Variants in MACROD2 observed in about 807,000 individuals in gnomAD.
MACROD2 encodes the protein ADP-ribose glycohydrolase MACROD2.
In MACROD2, 36 loss-of-function variants were observed where a neutral mutation model predicts 70.4. That is an observed-to-expected ratio of 0.51 (90% CI 0.39 to 0.68). The LOEUF (loss-of-function observed/expected upper bound fraction) is 0.68. MACROD2 is among the 30% of genes least tolerant of loss of function. MACROD2 has a pLI of 0.00. For synonymous variants in MACROD2, 172 were observed against 178.8 expected, an observed-to-expected ratio of 0.96 and a Z score of 0.30; for missense variants, 496 against 538.4, an observed-to-expected ratio of 0.92 and a Z score of 0.78.
intron 3 of MACROD2, among the ~76,000 whole-genome samples, chr20:14,158,188 G>A (rs1359976152): frequency 1.3e-5 from 2 of 152,022 alleles, no homozygotes; most frequent in Non-Finnish European, 2.9e-5. Flanking sequence ...GTGATGTTGA[G>A]CATTTTTTCA....
intron 13 of MACROD2, chr20:15,985,643 G>C (rs944138160): frequency 1.3e-5 from 2 of 152,622 alleles, no homozygotes; most frequent in Non-Finnish European, 2.9e-5. Context: ...GTGCTCTTTG[G>C]ATCCTGTCAC....
At chr20:14,983,141 C>A (rs1951942519) in intron 5 of MACROD2, among the ~76,000 whole-genome samples, 1 of 152,126 alleles carries the variant, frequency 6.6e-6, no homozygotes, top group African/African-American at 2.4e-5. Context: ...CTTGCATGGG[C>A]CCTGTAACCC....
intron 8 of MACROD2, among the ~76,000 whole-genome samples, chr20:15,725,587 A>G (rs1301653593): frequency 6.6e-6 from 1 of 151,932 alleles, no homozygotes; most frequent in East Asian, 1.9e-4. Context: ...TTCTTGTTTT[A>G]TTTCATTAGT....
intron 2 of MACROD2, among the ~76,000 whole-genome samples, chr20:14,043,921 A>G (rs952036053): frequency 1.5e-4 from 23 of 152,316 alleles, no homozygotes; most frequent in African/African-American, 5.3e-4. Context: ...TGTGTCATCT[A>G]TCTTTCACAC....
chr20:14,425,098 G>GT (rs1568606249), intron 3 of MACROD2, among the ~76,000 whole-genome samples: 2 of 152,158 alleles, frequency 1.3e-5, no homozygotes, highest in African/African-American at 4.8e-5. Flanking sequence ...GTTTACCTAC[G>GT]TAACAGCAGT....
At chr20:14,863,466 A>G (rs906613473) in intron 5 of MACROD2, among the ~76,000 whole-genome samples, 6 of 152,118 alleles carry the variant, frequency 3.9e-5, no homozygotes, top group Non-Finnish European at 5.9e-5. Context: ...CTTCTAATTG[A>G]ATAGTTTAAC....
At chr20:14,153,260 G>T (rs1450294212) in intron 3 of MACROD2, among the ~76,000 whole-genome samples, 3 of 152,176 alleles carry the variant, frequency 2.0e-5, no homozygotes, top group Non-Finnish European at 4.4e-5. Flanking sequence ...ATCTTTTCGA[G>T]TGAGAAATAA....
At chr20:15,393,719 A>G (rs1205622232) in intron 6 of MACROD2, among the ~76,000 whole-genome samples, 1 of 152,200 alleles carries the variant, frequency 6.6e-6, no homozygotes, top group African/African-American at 2.4e-5. Context: ...TAAAGTAAAA[A>G]TTTCTTAGCT....
At chr20:14,377,901 A>G (rs1600177363) in intron 3 of MACROD2, among the ~76,000 whole-genome samples, 1 of 152,200 alleles carries the variant, frequency 6.6e-6, no homozygotes, top group East Asian at 1.9e-4. Context: ...GTGATTGACC[A>G]GAAGTCGGGG....
intron 8 of MACROD2, among the ~76,000 whole-genome samples, chr20:15,616,532 C>T (rs2049042087): frequency 6.6e-6 from 1 of 152,142 alleles, no homozygotes; most frequent in South Asian, 2.1e-4. Context: ...AACCTAAGAA[C>T]CCTGTTTTTC....
chr20:14,611,460 T>G (rs1241785150), intron 4 of MACROD2, among the ~76,000 whole-genome samples: 5 of 151,440 alleles, frequency 3.3e-5, no homozygotes, highest in Non-Finnish European at 7.4e-5. Flanking sequence ...AGGTTTTTTT[T>G]TTTTTTTTTT....
At chr20:14,314,003 C>CTGTT (rs1272011997) in intron 3 of MACROD2, among the ~76,000 whole-genome samples, 1 of 152,162 alleles carries the variant, frequency 6.6e-6, no homozygotes, top group Non-Finnish European at 1.5e-5. Context: ...ATCTGAAACA[C>CTGTT]TGTTCCTGGT....
At chr20:15,700,180 C>T (rs2050436822) in intron 8 of MACROD2, among the ~76,000 whole-genome samples, 1 of 152,184 alleles carries the variant, frequency 6.6e-6, no homozygotes, top group Non-Finnish European at 1.5e-5. Flanking sequence ...CTGGTTTGTT[C>T]TTGCAGTTCT....
intron 5 of MACROD2, among the ~76,000 whole-genome samples, chr20:15,211,549 A>G (rs78196186): frequency 0.071 from 10,812 of 152,056 alleles, 513 homozygotes; most frequent in Non-Finnish European, 0.11. Flanking sequence ...TTATCACTCT[A>G]TGAGTCCACG....
chr20:14,297,290 C>G (rs1217266925), intron 3 of MACROD2, among the ~76,000 whole-genome samples: 1 of 151,866 alleles, frequency 6.6e-6, no homozygotes, highest in Non-Finnish European at 1.5e-5. Flanking sequence ...ATGTCTCTCA[C>G]TTAAAATCAA....
intron 10 of MACROD2, among the ~76,000 whole-genome samples, chr20:15,925,415 G>C (rs546400702): frequency 6.6e-6 from 1 of 152,254 alleles, no homozygotes; most frequent in South Asian, 2.1e-4. Context: ...GGAAATCCTT[G>C]GATTAAAAAC....
chr20:15,636,903 G>C (rs1475313571), intron 8 of MACROD2, among the ~76,000 whole-genome samples: 2 of 152,104 alleles, frequency 1.3e-5, no homozygotes, highest in Non-Finnish European at 2.9e-5. Flanking sequence ...ATGAATGGAA[G>C]TTACAGAGAG....
At chr20:15,873,992 G>C (rs1214954184) in intron 9 of MACROD2, among the ~76,000 whole-genome samples, 1 of 151,944 alleles carries the variant, frequency 6.6e-6, no homozygotes, top group Non-Finnish European at 1.5e-5. Flanking sequence ...GTATACATGT[G>C]CCATGTTGGT....
At chr20:14,319,720 C>G (rs1165315552) in intron 3 of MACROD2, among the ~76,000 whole-genome samples, 1 of 152,078 alleles carries the variant, frequency 6.6e-6, no homozygotes, top group Admixed American at 6.6e-5. Context: ...TTAATACTTT[C>G]CTTCCTTGAC....
Sources: allele counts gnomAD v4.1 joint callset (sites outside exome capture counted in the v4.1 genomes callset), GRCh38; gene constraint gnomAD v4.1.1; transcripts MANE v1.5; gene names NCBI Gene and HGNC (gene_info 2026-07-23, HGNC 2026-07-21).